The following RNASEH2B variants were observed in gnomAD, a reference collection of about 807,000 sequenced individuals.
RNASEH2B encodes Aicardi-Goutieres syndrome 2 protein.
Under a neutral mutation model 45.0 loss-of-function variants are expected in RNASEH2B, and 36 were observed. The ratio of observed to expected loss-of-function variants is 0.80; its 90% CI spans 0.61 to 1.06. RNASEH2B has a LOEUF of 1.06. Ranked by LOEUF, RNASEH2B falls within the 50% of genes least tolerant of loss-of-function variation. The probability of loss-of-function intolerance (pLI) is 0.00; values close to 1 mark genes in which losing one functional copy is unlikely to be tolerated. For missense variants in RNASEH2B, 361 were observed against 360.3 expected (o/e 1.00, Z -0.02); for synonymous variants, 119 against 125.7 (o/e 0.95, Z 0.35).
chr13:50,956,380 C>T lies in RNASEH2B; in HGVS notation c.845C>T (p.Ala282Val). Reference sequence around the variant, plus strand: ...CAGAAAAATAGCAAAATGACTGCAGCTCAGAAGGCTTTGGCTAAAGTTGAC... The same window carrying T: ...CAGAAAAATAGCAAAATGACTGCAGTTCAGAAGGCTTTGGCTAAAGTTGAC... ...TEKKNSKMTA[A>V]QKALAKVDKS... Residue 282 changes from alanine to valine, a missense_variant, in exon 11 of 11, where the codon GCT becomes GTT. By Grantham distance (64) the Ala-to-Val change is moderately conservative (BLOSUM62 0). Coordinates refer to ENST00000336617, the MANE Select transcript of RNASEH2B (RefSeq NM_024570.4). 1 of 1,602,342 alleles carries T rather than the reference C, an allele frequency of 6.2e-7. No individual in the cohort carries two copies. The highest frequency in any genetic ancestry group is 8.5e-7 in the Non-Finnish European group (1 of 1,172,586).
chr13:50,913,249 T>G (rs1454716206), intron 1 of RNASEH2B: 1 of 152,212 alleles, frequency 6.6e-6, no homozygotes, highest in Non-Finnish European at 1.5e-5. Flanking sequence ...TTTTGGAAAG[T>G]AGTATAAGTT....
At chr13:50,911,561 C>G (rs1465890095) in intron 1 of RNASEH2B, 2 of 151,870 alleles carry the variant, frequency 1.3e-5, no homozygotes, top group Non-Finnish European at 2.9e-5. Flanking sequence ...CTGTAGTTGA[C>G]AATGTTAAAT....
chr13:50,927,469 C>T lies in RNASEH2B; in HGVS notation c.127C>T (p.Pro43Ser), dbSNP rs762281569. Reference sequence around the variant, plus strand: ...GCTAATGTTTGTAAAACTGGTTAACCCCTGTTCAGGTAAGTTCTCTTCTCA... The same window carrying T: ...GCTAATGTTTGTAAAACTGGTTAACTCCTGTTCAGGTAAGTTCTCTTCTCA... ...NGLMFVKLVN[P>S]CSGEGAIYLF... The change falls in exon 2 of 11, where the codon CCC becomes TCC. Residue 43 changes from proline (P) to serine (S), a missense_variant. Transcript: ENST00000336617. 5.0e-6 allele frequency: 8 copies of T among 1,595,604 alleles called. No homozygotes were observed. Among genetic ancestry groups the T allele is most frequent in the Middle Eastern group, 1.7e-4 (1 of 6,042 alleles).
intron 7 of RNASEH2B, among the ~76,000 whole-genome samples, chr13:50,947,661 A>G (rs1252111314): frequency 6.6e-6 from 1 of 151,968 alleles, no homozygotes; most frequent in Admixed American, 6.6e-5. Flanking sequence ...TTTAAACTTT[A>G]TTTGTATTCA....
intron 10 of RNASEH2B, chr13:50,954,239 TA>T (rs373179837): frequency 4.1e-4 from 240 of 590,806 alleles, no homozygotes; most frequent in African/African-American, 3.7e-3. Context: ...TATGTATTCA[TA>T]GAGTGATAGG....
intron 1 of RNASEH2B, among the ~76,000 whole-genome samples, chr13:50,920,429 T>C (rs1188340410): frequency 6.6e-6 from 1 of 152,190 alleles, no homozygotes; most frequent in Non-Finnish European, 1.5e-5. Flanking sequence ...TTACAGAGAA[T>C]ATAGAGACCA....
chr13:50,942,980 T>G (rs1387712256), intron 5 of RNASEH2B: 2 of 244,176 alleles, frequency 8.2e-6, no homozygotes, highest in Non-Finnish European at 1.6e-5. Flanking sequence ...CCGGCCCTCT[T>G]CTGCCCAGAA....
At chr13:50,961,175 T>G (rs1473007898), downstream of RNASEH2B, among the ~76,000 whole-genome samples, 1 of 152,152 alleles carries the variant, frequency 6.6e-6, no homozygotes, top group African/African-American at 2.4e-5. Flanking sequence ...CATTGTGAAT[T>G]ATTGTTGATT....
intron 5 of RNASEH2B, chr13:50,938,995 G>A (rs1951797181): frequency 6.6e-6 from 1 of 152,142 alleles, no homozygotes; most frequent in Non-Finnish European, 1.5e-5. Context: ...GATTGCTTGA[G>A]GCTGAGAGTT....
At chr13:50,935,383 G>A in intron 5 of RNASEH2B, 1 of 272,836 alleles carries the variant, frequency 3.7e-6, no homozygotes, top group Non-Finnish European at 7.2e-6. Context: ...CTTCCAAAAA[G>A]CATATGTTGC....
At chr13:50,922,243 C>T (rs995715333) in intron 1 of RNASEH2B, among the ~76,000 whole-genome samples, 10 of 152,202 alleles carry the variant, frequency 6.6e-5, no homozygotes, top group East Asian at 1.9e-4. Context: ...CAAAAACTTA[C>T]GGGTAAGATG....
At chr13:50,922,840 T>A (rs1191928587) in intron 1 of RNASEH2B, among the ~76,000 whole-genome samples, 1 of 152,218 alleles carries the variant, frequency 6.6e-6, no homozygotes, top group Non-Finnish European at 1.5e-5. Context: ...AAACTGTCTC[T>A]GAAGGGGCTG....
chr13:50,911,638 A>C (rs977700380), intron 1 of RNASEH2B: 2 of 152,224 alleles, frequency 1.3e-5, no homozygotes, highest in Non-Finnish European at 2.9e-5. Flanking sequence ...CCATTGCTGC[A>C]CATCCTCGGT....
intron 1 of RNASEH2B, chr13:50,927,036 T>C (rs1306739949): frequency 4.1e-6 from 1 of 243,482 alleles, no homozygotes; most frequent in Non-Finnish European, 8.2e-6. Flanking sequence ...ATTGGCTAAT[T>C]TGATACTTTG....
intron 1 of RNASEH2B, chr13:50,927,134 A>C (rs1354819463): frequency 7.7e-6 from 3 of 390,112 alleles, no homozygotes; most frequent in Non-Finnish European, 1.5e-5. Flanking sequence ...AAGCTATCCA[A>C]GTGGCTAAGC....
chr13:50,966,927 C>T (rs1323956024), intron 9 of RNASEH2B, among the ~76,000 whole-genome samples: 19 of 152,168 alleles, frequency 1.2e-4, no homozygotes, highest in Admixed American at 1.2e-3. Context: ...AAAAGGACTT[C>T]ACATCAACCA....
At chr13:50,927,237 C>T in intron 1 of RNASEH2B, 170 bp from the exon 2 acceptor site, 2 of 550,558 alleles carry the variant, frequency 3.6e-6, no homozygotes, top group Admixed American at 5.4e-5. Context: ...TCAACTGCAA[C>T]TTGCAGAGAA....
chr13:50,956,792 C>A, downstream of RNASEH2B: 1 of 1,008,136 alleles, frequency 9.9e-7, no homozygotes, highest in Non-Finnish European at 1.2e-6. Flanking sequence ...TTTAATGCAA[C>A]TTTGCATTCA....
intron 3 of RNASEH2B, 83 bp downstream of exon 3, chr13:50,929,665 T>C: frequency 1.1e-6 from 1 of 890,714 alleles, no homozygotes; most frequent in East Asian, 2.6e-5. Context: ...TGTGGGTCTG[T>C]CACCGGGTTT....
Sources: allele counts gnomAD v4.1 joint callset (sites outside exome capture counted in the v4.1 genomes callset), GRCh38; gene constraint gnomAD v4.1.1; transcripts MANE v1.5; gene names NCBI Gene and HGNC (gene_info 2026-07-23, HGNC 2026-07-21).